Variants in AFF1 observed in about 807,000 individuals in gnomAD.
AFF1 encodes ALF transcription elongation factor 1, also known as AF4/FMR2 family member 1.
Under a neutral mutation model 121.7 loss-of-function variants are expected in AFF1, and 48 were observed. The observed-to-expected ratio is 0.39, with a 90% CI of 0.31 to 0.50. The LOEUF is 0.50. Ranked by LOEUF, AFF1 falls within the 20% of genes least tolerant of loss-of-function variation. The probability of loss-of-function intolerance (pLI) is 0.76; values close to 1 mark genes in which losing one functional copy is unlikely to be tolerated. For synonymous variants in AFF1, 613 were observed against 563.0 expected, an observed-to-expected ratio of 1.09 and a Z score of -1.26; for missense variants, 1,523 against 1,511.7, an observed-to-expected ratio of 1.01 and a Z score of -0.12.
rs2149799967 is a variant in AFF1, at chr4:87,131,090, G to A, written c.2972G>A (p.Arg991Lys). Residue 991 changes from arginine to lysine, a missense_variant, in exon 17 of 21, where the codon AGG (arginine) becomes AAG (lysine). Transcript: ENST00000395146. ...CATGTTCTTCTCCTGCAGACGGACA[G>A]GGTTGGAAAGGCTTTTAAGTACCTG... ...MKQKAELMTDRVGKAFKYLEA... is the reference protein window; with the variant it reads ...MKQKAELMTDKVGKAFKYLEA... The A allele has an allele frequency of 6.2e-7, 1 of 1,614,104 alleles. No homozygotes were observed. Among genetic ancestry groups the A allele is most frequent in the Non-Finnish European group, 8.5e-7 (1 of 1,180,002 alleles).
At chr4:87,020,865 A>G (rs1383495258) in intron 2 of AFF1, 4 of 977,858 alleles carry the variant, frequency 4.1e-6, no homozygotes, top group Non-Finnish European at 4.9e-6. Context: ...TTAGTTTTTA[A>G]TGTATTCTTC....
intron 4 of AFF1, among the ~76,000 whole-genome samples, chr4:87,051,579 G>C (rs1236420995): frequency 6.6e-6 from 1 of 152,024 alleles, no homozygotes; most frequent in African/African-American, 2.4e-5. Context: ...TCCTGCCTCA[G>C]CCTTCCATGT....
chr4:86,975,876 A>G (rs1209824932), intron 2 of AFF1, among the ~76,000 whole-genome samples: 1 of 152,218 alleles, frequency 6.6e-6, no homozygotes, highest in East Asian at 1.9e-4. Flanking sequence ...TGAGAAAACA[A>G]GTGACTTGAG....
Position 87,131,813 on chromosome 4 carries a change from C to T in AFF1, c.3122C>T (p.Ser1041Phe). The change falls in exon 18 of 21, where the codon TCC becomes TTC. Residue 1041 changes from serine (S) to phenylalanine (F), a missense_variant. Around this residue, in one of 5 missense-constraint regions of AFF1, gnomAD observed 241 missense variants for 265.2 expected, o/e 0.91. Transcript: ENST00000395146. Reference sequence around the variant, plus strand: ...TATAGATTCATAATGTCATTAAAATCCTTCTCAGATGCCACAGCGCCAACA... The same window carrying T: ...TATAGATTCATAATGTCATTAAAATTCTTCTCAGATGCCACAGCGCCAACA... Reference protein sequence around the residue: ...DLIKFIMSLKSFSDATAPTQE... With the variant: ...DLIKFIMSLKFFSDATAPTQE... 6.3e-7 allele frequency: 1 copy of T among 1,596,228 alleles called. No homozygotes were observed. The highest frequency in any genetic ancestry group is 8.5e-7 in the Non-Finnish European group (1 of 1,174,890).
intron 2 of AFF1, among the ~76,000 whole-genome samples, chr4:87,004,804 GAA>G (rs1484860078): frequency 6.6e-6 from 1 of 152,102 alleles, no homozygotes; most frequent in African/African-American, 2.4e-5. Context: ...AGTCTATAAA[GAA>G]AATCCAACTT....
At chr4:87,130,429 C>T (rs1014290813) in intron 16 of AFF1, among the ~76,000 whole-genome samples, 9 of 152,216 alleles carry the variant, frequency 5.9e-5, no homozygotes, top group African/African-American at 2.2e-4. Context: ...TGCCATATGC[C>T]ACTTAGAAGC....
At chr4:87,082,754 C>G (rs1342559110) in intron 4 of AFF1, among the ~76,000 whole-genome samples, 1 of 152,078 alleles carries the variant, frequency 6.6e-6, no homozygotes, top group Non-Finnish European at 1.5e-5. Flanking sequence ...ACATTAGATT[C>G]AATTACAGGA....
chr4:87,003,611 T>G (rs552579738), intron 2 of AFF1, among the ~76,000 whole-genome samples: 23 of 152,212 alleles, frequency 1.5e-4, no homozygotes, highest in Non-Finnish European at 2.9e-4. Flanking sequence ...AAGTATAATT[T>G]TAATATTATC....
At chr4:87,050,158 A>C (rs2149624051) in intron 4 of AFF1, among the ~76,000 whole-genome samples, 1 of 152,266 alleles carries the variant, frequency 6.6e-6, no homozygotes, top group African/African-American at 2.4e-5. Flanking sequence ...TATAGGTGAG[A>C]ATATTACCAA....
intron 2 of AFF1, among the ~76,000 whole-genome samples, chr4:87,026,739 G>A (rs1032833457): frequency 1.9e-4 from 29 of 152,268 alleles, no homozygotes; most frequent in African/African-American, 6.5e-4. Context: ...GAAATAATGG[G>A]CGAAGGGAGA....
intron 4 of AFF1, among the ~76,000 whole-genome samples, chr4:87,073,845 A>T (rs1270515099): frequency 6.6e-6 from 1 of 152,158 alleles, no homozygotes; most frequent in Non-Finnish European, 1.5e-5. Flanking sequence ...CTTTCATTTG[A>T]CAGAGAGCAG....
At chr4:87,067,589 G>A (rs1295314148) in intron 4 of AFF1, among the ~76,000 whole-genome samples, 1 of 152,202 alleles carries the variant, frequency 6.6e-6, no homozygotes, top group Non-Finnish European at 1.5e-5. Context: ...TAAATGCACA[G>A]AGTCAGGGGC....
chr4:87,015,658 T>A (rs1578066278), intron 2 of AFF1, among the ~76,000 whole-genome samples: 1 of 152,208 alleles, frequency 6.6e-6, no homozygotes, highest in East Asian at 1.9e-4. Flanking sequence ...AGGGGCCTCC[T>A]CTTAAAAACA....
At chr4:87,069,601 C>T (rs917426112) in intron 4 of AFF1, among the ~76,000 whole-genome samples, 1 of 150,566 alleles carries the variant, frequency 6.6e-6, no homozygotes, top group African/African-American at 2.5e-5. Context: ...ATCTCTCCCT[C>T]CTTTCCCTTC....
In AFF1 at chr4:87,136,475, A is replaced by G. The variant is rs1729310691; in HGVS notation, c.*774A>G. 4 of 232,704 alleles carry G rather than the reference A, an allele frequency of 1.7e-5. No individual in the cohort carries two copies. Among genetic ancestry groups the G allele is most frequent in the Admixed American group, 5.6e-5 (1 of 17,758 alleles). 14.4% of individuals were successfully genotyped at this position (232,704 alleles called of 1,614,324 possible). On this transcript the variant is annotated 3_prime_UTR_variant, in exon 21 of 21. Transcript: ENST00000395146. ...TGGGGTGCCACCTCGAGGTCTGCACAGGAGGACTTGGCGCTGCCATTTCCT... is the reference window on the plus strand; with the variant it reads ...TGGGGTGCCACCTCGAGGTCTGCACGGGAGGACTTGGCGCTGCCATTTCCT...
At position 86,935,060 on chromosome 4, in the gene AFF1, C is replaced by A. The variant is rs927357777; in HGVS notation, c.-217C>A. The A allele has an allele frequency of 2.6e-5, 4 of 151,978 alleles. No individual in the cohort carries two copies. Among genetic ancestry groups the A allele is most frequent in the South Asian group, 4.1e-4 (2 of 4,838 alleles). The allele number at this position is 151,978 out of a possible 1,614,324, so 9.4% of individuals were successfully genotyped here. A position where few individuals can be genotyped will look rare whatever the true frequency, so the allele number is the denominator to read the frequency against. On this transcript the variant is annotated 5_prime_UTR_variant, in exon 1 of 21. Coordinates refer to ENST00000395146, the MANE Select transcript of AFF1 (RefSeq NM_001166693.3). Reference sequence around the variant, plus strand: ...GCGCGGCCCCTGCGCACTCGGCCGCCGCCTGCGCGCGTTGCGGCCGCAGCT... The same window carrying A: ...GCGCGGCCCCTGCGCACTCGGCCGCAGCCTGCGCGCGTTGCGGCCGCAGCT...
chr4:87,006,072 C>T (rs147379369), intron 2 of AFF1, among the ~76,000 whole-genome samples: 2 of 152,342 alleles, frequency 1.3e-5, no homozygotes, highest in African/African-American at 2.4e-5. Flanking sequence ...TCCCTCCCAG[C>T]ATTGTCGTTT....
intron 5 of AFF1, among the ~76,000 whole-genome samples, chr4:87,088,006 A>C (rs1305817388): frequency 6.6e-6 from 1 of 152,256 alleles, no homozygotes; most frequent in East Asian, 1.9e-4. Context: ...TAATGCTTTT[A>C]ATTTATTAAG....
intron 2 of AFF1, among the ~76,000 whole-genome samples, chr4:86,952,245 A>T (rs1721404500): frequency 6.6e-6 from 1 of 152,150 alleles, no homozygotes; most frequent in South Asian, 2.1e-4. Context: ...TGGCATTTTG[A>T]TTGGAATCCC....
Sources: allele counts gnomAD v4.1 joint callset (sites outside exome capture counted in the v4.1 genomes callset), GRCh38; gene constraint gnomAD v4.1.1; regional missense constraint gnomAD v4.1.1; transcripts MANE v1.5; gene names NCBI Gene and HGNC (gene_info 2026-07-23, HGNC 2026-07-21).